Variants in OSBP2 observed in about 807,000 individuals in gnomAD.
The protein encoded by OSBP2 is oxysterol binding protein 2, also known as oxysterol-binding protein 2.
OSBP2 carries 66 observed loss-of-function variants against 96.0 expected under a neutral mutation model. That is an observed-to-expected ratio of 0.69 (90% confidence interval 0.56 to 0.84). The LOEUF (loss-of-function observed/expected upper bound fraction) is 0.84, where lower values mean the gene tolerates loss of function less well. Among genes scored for constraint, OSBP2 ranks in the 40% least tolerant of loss-of-function variants. The pLI is 0.00. For synonymous variants in OSBP2, 525 were observed against 520.9 expected, an observed-to-expected ratio of 1.01 and a Z score of -0.11; for missense variants, 1,038 against 1,222.7, an observed-to-expected ratio of 0.85 and a Z score of 2.25.
chr22:30,749,307 TG>T (rs2090044325), intron 2 of OSBP2, among the ~76,000 whole-genome samples: 1 of 152,200 alleles, frequency 6.6e-6, no homozygotes, highest in Non-Finnish European at 1.5e-5. Context: ...TTTAAAGTAC[TG>T]GGACATTTCC....
intron 2 of OSBP2, among the ~76,000 whole-genome samples, chr22:30,819,148 A>T (rs1336328415): frequency 1.3e-5 from 2 of 152,228 alleles, no homozygotes; most frequent in Non-Finnish European, 2.9e-5. Context: ...CAGCCTGGTC[A>T]ACATGGTGAA....
At chr22:30,863,962 G>GT (rs66516841) in intron 2 of OSBP2, among the ~76,000 whole-genome samples, 81 of 148,042 alleles carry the variant, frequency 5.5e-4, no homozygotes, top group Admixed American at 2.5e-3. Flanking sequence ...AAGCCATCAT[G>GT]TTTTTTTTTT....
chr22:30,745,145 A>T (rs967558358), intron 2 of OSBP2, among the ~76,000 whole-genome samples: 3 of 152,200 alleles, frequency 2.0e-5, no homozygotes, highest in Non-Finnish European at 4.4e-5. Flanking sequence ...GTTTACCAAA[A>T]TTTTGGAATA....
intron 11 of OSBP2, 27 bp downstream of exon 11, chr22:30,893,760 A>AC: frequency 6.2e-7 from 1 of 1,612,186 alleles, no homozygotes; most frequent in East Asian, 2.2e-5. Context: ...ACCTCTAAGC[A>AC]CCCCAGGGGG....
intron 12 of OSBP2, among the ~76,000 whole-genome samples, chr22:30,895,586 T>C (rs1188512041): frequency 2.0e-5 from 3 of 152,180 alleles, no homozygotes; most frequent in Non-Finnish European, 4.4e-5. Flanking sequence ...CATTCACATA[T>C]GGGGCCATAT....
At chr22:30,899,545 C>T (rs1261235249) in intron 12 of OSBP2, among the ~76,000 whole-genome samples, 7 of 151,972 alleles carry the variant, frequency 4.6e-5, no homozygotes, top group African/African-American at 1.7e-4. Flanking sequence ...ATGAATTCTC[C>T]CTATTTTTTC....
chr22:30,728,210 C>T (rs1337580264), intron 1 of OSBP2, among the ~76,000 whole-genome samples: 1 of 151,946 alleles, frequency 6.6e-6, no homozygotes, highest in African/African-American at 2.4e-5. Flanking sequence ...TCCTGGCTAA[C>T]ACAGTGAAAC....
chr22:30,864,352 C>T (rs1314125170), intron 2 of OSBP2, among the ~76,000 whole-genome samples: 2 of 152,164 alleles, frequency 1.3e-5, no homozygotes, highest in African/African-American at 2.4e-5. Flanking sequence ...AGCCTGAGGG[C>T]CCCAGGCACT....
At chr22:30,884,275 A>G (rs1241187345) in intron 3 of OSBP2, among the ~76,000 whole-genome samples, 1 of 152,052 alleles carries the variant, frequency 6.6e-6, no homozygotes, top group South Asian at 2.1e-4. Flanking sequence ...CATCTGTCCA[A>G]TGGGGGTGAC....
rs1170545621 is a variant in OSBP2 at position 30,862,822 on chromosome 22, AG to A, written c.854-7606del. ...CCCCGTCTCTACTAAAAATACAAAA[AG>A]TTAGCCAGGTGTGGTGGCGGGCGCC... is the stretch of plus-strand genomic sequence containing the variant. On this transcript the variant is annotated intron_variant, in intron 2 of 13. Coordinates refer to ENST00000332585, the MANE Select transcript of OSBP2 (RefSeq NM_030758.4). 3.2e-4 allele frequency among the ~76,000 whole-genome samples: 48 copies of A among 151,118 alleles called. 1 individual carries two copies. In the South Asian group the frequency reaches 4.4e-3, roughly 14 times the overall value.
At chr22:30,869,096 C>T (rs1278281677) in intron 2 of OSBP2, among the ~76,000 whole-genome samples, 1 of 152,210 alleles carries the variant, frequency 6.6e-6, no homozygotes, top group East Asian at 1.9e-4. Context: ...GCCTCCTGCC[C>T]CACCTGCTGT....
intron 2 of OSBP2, among the ~76,000 whole-genome samples, chr22:30,742,594 G>A (rs2089954342): frequency 1.3e-5 from 2 of 152,104 alleles, no homozygotes; most frequent in Admixed American, 6.6e-5. Flanking sequence ...CAAAATAACT[G>A]CATTCACTGC....
At chr22:30,767,138 CAAAAAAAAAAA>C (rs1156950666) in intron 2 of OSBP2, among the ~76,000 whole-genome samples, 1 of 78,492 alleles carries the variant, frequency 1.3e-5, no homozygotes, top group Non-Finnish European at 2.5e-5. Context: ...ACTAAAAATA[CAAAAAAAAAAA>C]AAAAAAAAAA....
rs775862066 is a variant in OSBP2 at position 30,893,145 on chromosome 22, T to G, written c.1893T>G (p.Ala631=). The part of the protein sequence containing the change: ...CEQVSHHPPS[A]AHYVFSKHGW... Reference sequence around the variant, plus strand: ...AGGTGAGCCACCACCCCCCCTCAGCTGCGCACTACGTGTTCTCCAAGCATG... The same window carrying G: ...AGGTGAGCCACCACCCCCCCTCAGCGGCGCACTACGTGTTCTCCAAGCATG... Residue 631 remains alanine (A), a synonymous_variant, in exon 9 of 14, where the codon GCT becomes GCG. Coordinates refer to ENST00000332585, the MANE Select transcript of OSBP2 (RefSeq NM_030758.4). 1.2e-5 allele frequency: 20 copies of G among 1,613,976 alleles called. No individual in the cohort carries two copies. The highest frequency in any genetic ancestry group is 1.7e-5 in the Admixed American group (1 of 60,002).
At chr22:30,806,261 A>G (rs1464622346) in intron 2 of OSBP2, among the ~76,000 whole-genome samples, 1 of 152,194 alleles carries the variant, frequency 6.6e-6, no homozygotes, top group African/African-American at 2.4e-5. Flanking sequence ...GGGGCAGCAG[A>G]GCCGGAGTCA....
chr22:30,762,372 C>T (rs906109664), intron 2 of OSBP2, among the ~76,000 whole-genome samples: 3 of 151,858 alleles, frequency 2.0e-5, no homozygotes, highest in African/African-American at 4.8e-5. Context: ...CACGGTGTAA[C>T]CCTGTCTCCA....
intron 1 of OSBP2, among the ~76,000 whole-genome samples, chr22:30,698,475 T>TGTC (rs1403994741): frequency 6.6e-6 from 1 of 151,522 alleles, no homozygotes; most frequent in Non-Finnish European, 1.5e-5. Flanking sequence ...AGTCTTGCTC[T>TGTC]GTCGCCAGGC....
At chr22:30,852,514 A>G (rs544607977) in intron 2 of OSBP2, among the ~76,000 whole-genome samples, 1 of 151,968 alleles carries the variant, frequency 6.6e-6, no homozygotes, top group East Asian at 1.9e-4. Context: ...ATCATTGATA[A>G]TTTGTATTTT....
chr22:30,800,927 TG>T (rs1390670324), intron 2 of OSBP2, among the ~76,000 whole-genome samples: 1 of 152,212 alleles, frequency 6.6e-6, no homozygotes, highest in Non-Finnish European at 1.5e-5. Context: ...TGTCTCTGTG[TG>T]AGTGTGTTTA....
Sources: allele counts gnomAD v4.1 joint callset (sites outside exome capture counted in the v4.1 genomes callset), GRCh38; gene constraint gnomAD v4.1.1; transcripts MANE v1.5; gene names NCBI Gene and HGNC (gene_info 2026-07-23, HGNC 2026-07-21).